Variants in GTF2I observed in about 807,000 individuals in gnomAD.
GTF2I encodes general transcription factor II-I.
GTF2I carries 12 observed loss-of-function variants against 67.6 expected under a neutral mutation model. The observed-to-expected ratio is 0.18, with a 90% CI of 0.11 to 0.29. The LOEUF (loss-of-function observed/expected upper bound fraction) is 0.29, where lower values mean the gene tolerates loss of function less well. Ranked by LOEUF, GTF2I falls within the 10% of genes least tolerant of loss-of-function variation. The pLI is 1.00. For missense variants in GTF2I, 271 were observed against 580.1 expected, an observed-to-expected ratio of 0.47 and a Z score of 5.47; for synonymous variants, 149 against 197.0, an observed-to-expected ratio of 0.76 and a Z score of 2.04.
At chr7:74,670,338 T>C (rs954826279) in intron 1 of GTF2I, among the ~76,000 whole-genome samples, 1 of 152,160 alleles carries the variant, frequency 6.6e-6, no homozygotes, top group Admixed American at 6.6e-5. Flanking sequence ...TTTTGCCTGA[T>C]TGCAAAGCTC....
At chr7:74,698,601 G>A (rs1789291539) in intron 3 of GTF2I, among the ~76,000 whole-genome samples, 1 of 151,836 alleles carries the variant, frequency 6.6e-6, no homozygotes, top group East Asian at 1.9e-4. Flanking sequence ...TTGCAGAGAT[G>A]TGTCCTTGTT....
intron 8 of GTF2I, among the ~76,000 whole-genome samples, chr7:74,709,374 G>A (rs188259804): frequency 1.1e-4 from 16 of 152,054 alleles, no homozygotes; most frequent in Admixed American, 1.3e-4. Flanking sequence ...TCAGCCTCCC[G>A]AGCAGCTGGG....
rs1447013117 is a variant in GTF2I, at chr7:74,723,854, G to A, written c.943+4913G>A. On this transcript the variant is annotated intron_variant, in intron 12 of 34. Coordinates refer to ENST00000573035, the MANE Select transcript of GTF2I (RefSeq NM_032999.4). ...GTGGTGACTATGTTGAGAAAAGGGG[G>A]AAAAAAAAAAAAAGAGAAGACCTAG... Among the ~76,000 whole-genome samples the A allele has an allele frequency of 2.0e-4, 28 of 139,036 alleles. No homozygotes were observed. The East Asian group carries it at 2.7e-3, about 13-fold the overall frequency. The allele number at this position is 139,036 out of a possible 152,430, so 91.2% of individuals were successfully genotyped here.
intron 1 of GTF2I, among the ~76,000 whole-genome samples, chr7:74,659,563 A>G (rs903446267): frequency 2.6e-5 from 4 of 151,404 alleles, no homozygotes; most frequent in Non-Finnish European, 4.4e-5. Context: ...TAATTTTTGT[A>G]TTTTTAGTAG....
At chr7:74,703,928 T>A (rs1790204565) in intron 6 of GTF2I, among the ~76,000 whole-genome samples, 1 of 152,344 alleles carries the variant, frequency 6.6e-6, no homozygotes, top group East Asian at 1.9e-4. Flanking sequence ...AAGATATCCT[T>A]GTTATCTTTG....
intron 3 of GTF2I, among the ~76,000 whole-genome samples, chr7:74,696,965 A>G (rs935448696): frequency 6.6e-6 from 1 of 152,246 alleles, no homozygotes; most frequent in Admixed American, 6.5e-5. Flanking sequence ...AGAAAAAAGT[A>G]TCATGTGAGT....
intron 3 of GTF2I, among the ~76,000 whole-genome samples, chr7:74,693,680 A>G (rs1755895254): frequency 6.6e-6 from 1 of 152,064 alleles, no homozygotes; most frequent in African/African-American, 2.4e-5. Flanking sequence ...CACCATCTCT[A>G]CTAAAAATAC....
intron 12 of GTF2I, among the ~76,000 whole-genome samples, chr7:74,719,928 A>C (rs587670449): frequency 1.6e-3 from 237 of 152,150 alleles, no homozygotes; most frequent in Non-Finnish European, 2.8e-3. Context: ...TCAAAAAAAA[A>C]ATTAAAATTA....
chr7:74,697,571 C>G (rs1472163597), intron 3 of GTF2I, among the ~76,000 whole-genome samples: 1 of 151,884 alleles, frequency 6.6e-6, no homozygotes, highest in African/African-American at 2.4e-5. Flanking sequence ...TTTTTTGTGT[C>G]GATAATCTTC....
At chr7:74,689,041 G>C in intron 1 of GTF2I, 83 bp from the exon 2 acceptor site, 1 of 760,562 alleles carries the variant, frequency 1.3e-6, no homozygotes, top group South Asian at 1.5e-5. Context: ...TTAGGCAGCC[G>C]GTGAGGGGCC....
chr7:74,713,489 G>A (rs1584249781), intron 9 of GTF2I, among the ~76,000 whole-genome samples: 1 of 152,072 alleles, frequency 6.6e-6, no homozygotes, highest in Non-Finnish European at 1.5e-5. Context: ...AGAAAACTGT[G>A]TACCCAAGAA....
chr7:74,697,943 A>ATTTT (rs112795783), intron 3 of GTF2I, among the ~76,000 whole-genome samples: 34 of 146,438 alleles, frequency 2.3e-4, no homozygotes, highest in East Asian at 4.1e-4. Flanking sequence ...TAATTTTTGT[A>ATTTT]TTTTTTGTTT....
chr7:74,712,536 GTC>G lies in GTF2I; in HGVS notation c.763+1428_763+1429del, dbSNP rs1491008545. Among the ~76,000 whole-genome samples, 24 of 122,478 alleles carry G rather than the reference GTC, an allele frequency of 2.0e-4. No individual in the cohort carries two copies. In the East Asian group the frequency reaches 5.1e-3, roughly 26 times the overall value. 80.4% of individuals were successfully genotyped at this position (122,478 alleles called of 152,430 possible). ...TGTGTGTGTGTGTGTGTGTGTGTGT[GTC>G]ATGTCATATTTATTGTTTTATATAT... is the stretch of plus-strand genomic sequence containing the variant. On this transcript the variant is annotated intron_variant, in intron 9 of 34. Transcript: ENST00000573035.
intron 15 of GTF2I, among the ~76,000 whole-genome samples, chr7:74,732,922 G>A (rs1261216659): frequency 1.3e-5 from 2 of 150,718 alleles, no homozygotes; most frequent in East Asian, 3.9e-4. Flanking sequence ...TGCTACTTTT[G>A]CTAAAGAACA....
chr7:74,726,114 A>G (rs1793744841), intron 12 of GTF2I, among the ~76,000 whole-genome samples: 1 of 151,714 alleles, frequency 6.6e-6, no homozygotes, highest in Non-Finnish European at 1.5e-5. Context: ...CTTTCAGTTT[A>G]TGTCACTCAA....
intron 1 of GTF2I, among the ~76,000 whole-genome samples, chr7:74,671,973 G>A (rs1295009202): frequency 1.3e-5 from 2 of 151,688 alleles, no homozygotes; most frequent in African/African-American, 4.8e-5. Flanking sequence ...GACAGAGCAA[G>A]ACCCTGTCTC....
At chr7:74,703,601 A>G (rs1554400436) in intron 6 of GTF2I, among the ~76,000 whole-genome samples, 1 of 152,156 alleles carries the variant, frequency 6.6e-6, no homozygotes, top group Non-Finnish European at 1.5e-5. Context: ...GCTGGTCTCA[A>G]ACTCCAGACC....
intron 2 of GTF2I, among the ~76,000 whole-genome samples, chr7:74,690,006 G>C (rs1554396579): frequency 6.6e-6 from 1 of 151,994 alleles, no homozygotes; most frequent in Non-Finnish European, 1.5e-5. Flanking sequence ...CTGAGGTCAG[G>C]AGTTCAAGAC....
intron 9 of GTF2I, among the ~76,000 whole-genome samples, chr7:74,713,086 A>G (rs73137173): frequency 6.2e-4 from 94 of 152,306 alleles, no homozygotes; most frequent in Admixed American, 3.1e-3. Context: ...ATCAAGTACC[A>G]TTTTTAGGGT....
Sources: allele counts gnomAD v4.1 joint callset (sites outside exome capture counted in the v4.1 genomes callset), GRCh38; gene constraint gnomAD v4.1.1; transcripts MANE v1.5; gene names NCBI Gene and HGNC (gene_info 2026-07-23, HGNC 2026-07-21).